ADGRL1: variants seen among roughly 807,000 people sequenced by gnomAD.
ADGRL1 encodes adhesion G protein-coupled receptor L1, also known as CIRL-1.
A neutral mutation model predicts 148.9 loss-of-function variants in ADGRL1; 31 were observed. That is an observed-to-expected ratio of 0.21 (90% CI 0.16 to 0.28). The LOEUF is 0.28. Among genes scored for constraint, ADGRL1 ranks in the 10% least tolerant of loss-of-function variants. The probability of loss-of-function intolerance (pLI) is 1.00; values close to 1 mark genes in which losing one functional copy is unlikely to be tolerated. For missense variants in ADGRL1, 1,521 were observed against 2,058.8 expected, an observed-to-expected ratio of 0.74 and a Z score of 5.05; for synonymous variants, 937 against 900.3, an observed-to-expected ratio of 1.04 and a Z score of -0.73.
chr19:14,197,801 A>C (rs755908033), intron 1 of ADGRL1, among the ~76,000 whole-genome samples: 4 of 152,152 alleles, frequency 2.6e-5, no homozygotes, highest in Non-Finnish European at 4.4e-5. Flanking sequence ...TTGCATACCC[A>C]ACCCTGGGCA....
At chr19:14,188,146 A>G (rs1971702210) in intron 1 of ADGRL1, among the ~76,000 whole-genome samples, 1 of 152,170 alleles carries the variant, frequency 6.6e-6, no homozygotes, top group Admixed American at 6.5e-5. Context: ...TCGATGCCAA[A>G]TTGTGTGGGC....
chr19:14,194,326 G>C (rs1257527217), intron 1 of ADGRL1, among the ~76,000 whole-genome samples: 1 of 152,116 alleles, frequency 6.6e-6, no homozygotes, highest in African/African-American at 2.4e-5. Flanking sequence ...CAAAGAGAGT[G>C]AGGAGGGAGG....
At chr19:14,194,536 G>A (rs1286573519) in intron 1 of ADGRL1, among the ~76,000 whole-genome samples, 2 of 152,254 alleles carry the variant, frequency 1.3e-5, no homozygotes, top group Non-Finnish European at 2.9e-5. Context: ...CATTTAGGAA[G>A]GAGAGATGCT....
At position 14,159,545 on chromosome 19, in the gene ADGRL1, C is replaced by T. The variant is rs780182434; in HGVS notation, c.1879G>A (p.Ala627Thr). The change falls in exon 10 of 23, where the codon GCT becomes ACT. Residue 627 changes from alanine (A) to threonine (T), a missense_variant. By Grantham distance (58) the Ala-to-Thr change is moderately conservative. Around this residue, in one of 8 missense-constraint regions of ADGRL1, gnomAD observed 265 missense variants for 431.9 expected, o/e 0.61. Transcript: ENST00000361434. The surrounding 1 kb of genome is among the most constrained non-coding windows in gnomAD (Gnocchi z 6.0). ...TTCATGTCCTTCCAGGACTCCAGAG[C>T]TTCTGGCCGGAGCAGATTGTCCACT... ...ETVDNLLRPE[A>T]LESWKDMNAT... The T allele has an allele frequency of 1.1e-5, 18 of 1,606,614 alleles. No homozygotes were observed. The highest frequency in any genetic ancestry group is 3.3e-5 in the Admixed American group (2 of 59,712).
At chr19:14,177,098 C>T (rs923726866) in intron 3 of ADGRL1, among the ~76,000 whole-genome samples, 3 of 151,996 alleles carry the variant, frequency 2.0e-5, no homozygotes, top group South Asian at 2.1e-4. Context: ...GGCGTGGTGG[C>T]GTGCGCCTAT....
Position 14,160,290 on chromosome 19 carries a change from C to G in ADGRL1, c.1622G>C (p.Ser541Thr), listed in dbSNP as rs1029710485. ...GGCGATGTTGGCCGCGTTCTCCCCA[C>G]TCTTGATCTGCATGAGGTGGGGGCG... ...WVNQVAQKIK[S>T]GENAANIASE... Residue 541 changes from serine (S) to threonine (T), a missense_variant, in exon 8 of 23, where the codon AGT becomes ACT. By Grantham distance (58) the Ser-to-Thr change is moderately conservative. This residue lies in a region of ADGRL1 where 270 missense variants were observed against 320.4 expected (regional missense o/e 0.84). Transcript: ENST00000361434. The surrounding 1 kb of genome is among the most constrained non-coding windows in gnomAD (Gnocchi z 5.9). 7 of 1,590,222 alleles carry G rather than the reference C, an allele frequency of 4.4e-6. No homozygotes were observed. Among genetic ancestry groups the G allele is most frequent in the Non-Finnish European group, 6.0e-6 (7 of 1,160,996 alleles).
chr19:14,176,076 G>A (rs1171642523), intron 3 of ADGRL1, among the ~76,000 whole-genome samples: 2 of 151,150 alleles, frequency 1.3e-5, no homozygotes, highest in African/African-American at 4.9e-5. Context: ...AACAGGCCGG[G>A]CGCAGTGGCT....
intron 1 of ADGRL1, among the ~76,000 whole-genome samples, chr19:14,203,266 A>G (rs1972735000): frequency 6.6e-6 from 1 of 152,132 alleles, no homozygotes; most frequent in Non-Finnish European, 1.5e-5. Flanking sequence ...AGAGGAACCC[A>G]CACAGAAACG....
chr19:14,160,309 G>A lies in ADGRL1; in HGVS notation c.1615-12C>T, dbSNP rs763137082. ...TCCCCACTCTTGATCTGCATGAGGT[G>A]GGGGCGGGAAGGGGGAATCCCAGGA... On this transcript the variant is annotated splice_polypyrimidine_tract_variant and intron_variant, in intron 7 of 22. Coordinates refer to ENST00000361434, the MANE Select transcript of ADGRL1 (RefSeq NM_014921.5). This position sits in a 1 kb window ranked among gnomAD's most constrained non-coding sequence, Gnocchi z 5.9. 3 of 1,582,278 alleles carry A rather than the reference G, an allele frequency of 1.9e-6. No individual in the cohort carries two copies. Among genetic ancestry groups the A allele is most frequent in the East Asian group, 2.3e-5 (1 of 44,058 alleles).
At chr19:14,187,200 G>A (rs1157517726) in intron 1 of ADGRL1, among the ~76,000 whole-genome samples, 1 of 152,088 alleles carries the variant, frequency 6.6e-6, no homozygotes, top group Non-Finnish European at 1.5e-5. Flanking sequence ...TTAGCCGGGC[G>A]TGGTGGCGGG....
In ADGRL1 at chr19:14,163,264, C is replaced by G. The variant is rs149946939; in HGVS notation, c.537G>C (p.Thr179=). Residue 179 remains threonine (T), a synonymous_variant, in exon 5 of 23, where the codon ACG becomes ACC. Transcript: ENST00000361434. ...ACGAGGCATACTCAGTCAGTGTGTC[C>G]GTGCGGTAGGGGATCCAGGGCATCA... ...IYVMPWIPYR[T]DTLTEYASWE... 1 of 1,613,768 alleles carries G rather than the reference C, an allele frequency of 6.2e-7. No homozygotes were observed. The highest frequency in any genetic ancestry group is 8.5e-7 in the Non-Finnish European group (1 of 1,180,030).
intron 16 of ADGRL1, 92 bp downstream of exon 16, chr19:14,156,566 T>TGTG (rs1389799841): frequency 2.0e-6 from 1 of 507,696 alleles, no homozygotes; most frequent in Non-Finnish European, 3.1e-6. Context: ...TGTGTGTGTG[T>TGTG]GGGGGGGGTG....
intron 1 of ADGRL1, chr19:14,190,919 C>G: frequency 2.7e-6 from 1 of 367,192 alleles, no homozygotes; most frequent in South Asian, 2.0e-5. Context: ...GAAACCCCAT[C>G]TCTATTAAAA....
rs775944095 is a variant in ADGRL1, at chr19:14,152,361, G to A, written c.3597C>T (p.Ile1199=). 7.5e-6 allele frequency: 12 copies of A among 1,600,608 alleles called. No homozygotes were observed. The highest frequency in any genetic ancestry group is 3.4e-5 in the Admixed American group (2 of 59,290). The change falls in exon 21 of 23, where the codon ATC becomes ATT. Residue 1199 remains isoleucine (I), a synonymous_variant. Transcript: ENST00000361434. The surrounding 1 kb of genome is among the most constrained non-coding windows in gnomAD (Gnocchi z 6.1). ...AGGGATTGAAGCCCACTGACTCGGC[G>A]ATGAGGGTGTTGTAGGGACTGGTGC... ...RGGTSPYNTL[I]AESVGFNPSS...
In ADGRL1 at chr19:14,158,570, G is replaced by T; in HGVS notation, c.2150-18C>A. The T allele has an allele frequency of 6.3e-7, 1 of 1,595,762 alleles. No homozygotes were observed. Among genetic ancestry groups the T allele is most frequent in the South Asian group, 1.1e-5 (1 of 90,722 alleles). ...GACCACCCCTGGTGAGAACAGGCAC[G>T]TTTGGATGTGTCAGCATCCTCAGCT... is the stretch of plus-strand genomic sequence containing the variant. On this transcript the variant is annotated intron_variant, in intron 11 of 22. Transcript: ENST00000361434.
chr19:14,159,211 C>T lies in ADGRL1; in HGVS notation c.2028G>A (p.Leu676=). Residue 676 remains leucine (L), a synonymous_variant, in exon 11 of 23, where the codon CTG becomes CTA. Coordinates refer to ENST00000361434, the MANE Select transcript of ADGRL1 (RefSeq NM_014921.5). This position sits in a 1 kb window ranked among gnomAD's most constrained non-coding sequence, Gnocchi z 6.0. ...RFLAAKENVV[L]EVTVLNTEGQ... ...CCTCTGTGTTCAGGACTGTGACCTC[C>T]AGGACTGTGGGGACAGGGGAAGGCA... 1.9e-6 allele frequency: 3 copies of T among 1,614,058 alleles called. No individual in the cohort carries two copies. The highest frequency in any genetic ancestry group is 2.5e-6 in the Non-Finnish European group (3 of 1,179,962).
Position 14,159,970 on chromosome 19 carries a change from G to C in ADGRL1, c.1800+142C>G. On this transcript the variant is annotated intron_variant, in intron 8 of 22. Transcript: ENST00000361434. The surrounding 1 kb of genome is among the most constrained non-coding windows in gnomAD (Gnocchi z 6.0). ...ACAGGAGTGAGACCCGGCAGTCCTT[G>C]GCGGAGAGGGGGGGGTCCTTCCTCT... 2.9e-6 allele frequency: 3 copies of C among 1,025,326 alleles called. No individual in the cohort carries two copies. Among genetic ancestry groups the C allele is most frequent in the Non-Finnish European group, 2.8e-6 (2 of 709,102 alleles). The allele number at this position is 1,025,326 out of a possible 1,614,324, so 63.5% of individuals were successfully genotyped here. A position where few individuals can be genotyped will look rare whatever the true frequency, so the allele number is the denominator to read the frequency against.
intron 1 of ADGRL1, among the ~76,000 whole-genome samples, chr19:14,203,489 GCC>G (rs755596478): frequency 6.6e-6 from 1 of 152,070 alleles, no homozygotes; most frequent in Non-Finnish European, 1.5e-5. Context: ...GGACGCAGAC[GCC>G]CCGAGATGCA....
chr19:14,168,165 T>C (rs1046356808), intron 4 of ADGRL1, among the ~76,000 whole-genome samples: 1 of 151,574 alleles, frequency 6.6e-6, no homozygotes, highest in African/African-American at 2.4e-5. Context: ...CAGGAACTTC[T>C]GACTGGAGGG....
Sources: allele counts gnomAD v4.1 joint callset (sites outside exome capture counted in the v4.1 genomes callset), GRCh38; gene constraint gnomAD v4.1.1; regional missense constraint gnomAD v4.1.1; non-coding constraint Gnocchi (gnomAD v3.1); transcripts MANE v1.5; gene names NCBI Gene and HGNC (gene_info 2026-07-23, HGNC 2026-07-21).